The following NUP98 variants were observed in gnomAD, a reference collection of about 807,000 sequenced individuals.
The protein encoded by NUP98 is nuclear pore complex protein Nup98-Nup96.
Under a neutral mutation model 191.9 loss-of-function variants are expected in NUP98, and 26 were observed. That is an observed-to-expected ratio of 0.14 (90% CI 0.10 to 0.19). The LOEUF (loss-of-function observed/expected upper bound fraction) is 0.19. Ranked by LOEUF, NUP98 falls within the 10% of genes least tolerant of loss-of-function variation. The pLI, the probability that NUP98 is intolerant of heterozygous loss-of-function variation, is 1.00. For missense variants in NUP98, 1,941 were observed against 2,178.8 expected, an observed-to-expected ratio of 0.89 and a Z score of 2.17; for synonymous variants, 808 against 778.4, an observed-to-expected ratio of 1.04 and a Z score of -0.63.
Position 3,713,892 on chromosome 11 carries a change from A to G in NUP98, c.2503T>C (p.Leu835=), listed in dbSNP as rs778046394. 4 of 1,613,986 alleles carry G rather than the reference A, an allele frequency of 2.5e-6. No homozygotes were observed. The highest frequency in any genetic ancestry group is 2.7e-5 in the African/African-American group (2 of 74,922). The change falls in exon 19 of 33, where the codon TTG becomes CTG. Residue 835 remains leucine, a synonymous_variant. Transcript: ENST00000324932. ...CCCTGTTTCCTTGAAACTGCTTCCA[A>G]TCTTCCTTCATAGTTGATATCAGCA... ...RLADINYEGR[L]EAVSRKQGAQ...
chr11:3,703,190 T>C (rs1356913569), intron 22 of NUP98, among the ~76,000 whole-genome samples: 2 of 152,104 alleles, frequency 1.3e-5, no homozygotes, highest in South Asian at 2.1e-4. Flanking sequence ...CATTTGTATA[T>C]GTTATTTCAT....
chr11:3,738,678 C>A (rs1412678658), intron 12 of NUP98, among the ~76,000 whole-genome samples: 1 of 143,604 alleles, frequency 7.0e-6, no homozygotes, highest in Non-Finnish European at 1.5e-5. Context: ...ACGCAGGAGG[C>A]TGAGACAGGA....
At chr11:3,707,234 A>C (rs998151031) in intron 20 of NUP98, among the ~76,000 whole-genome samples, 1 of 152,300 alleles carries the variant, frequency 6.6e-6, no homozygotes, top group South Asian at 2.1e-4. Context: ...GAACAATTTT[A>C]ATCTGGGAAG....
intron 11 of NUP98, among the ~76,000 whole-genome samples, chr11:3,750,105 G>A (rs1375375664): frequency 6.6e-6 from 1 of 152,224 alleles, no homozygotes; most frequent in Non-Finnish European, 1.5e-5. Context: ...TGTATGATGT[G>A]TGTAAATTGT....
At chr11:3,771,435 TCA>T (rs2081528051) in intron 7 of NUP98, among the ~76,000 whole-genome samples, 1 of 152,092 alleles carries the variant, frequency 6.6e-6, no homozygotes, top group Non-Finnish European at 1.5e-5. Flanking sequence ...TGGCAAAAAC[TCA>T]GAGTTTTTAG....
chr11:3,700,742 G>C lies in NUP98; in HGVS notation c.3610C>G (p.Leu1204Val). The change falls in exon 24 of 33, where the codon CTC becomes GTC. Residue 1204 changes from leucine to valine, a missense_variant. By Grantham distance (32) the Leu-to-Val change is conservative. Around this residue, in one of 6 missense-constraint regions of NUP98, gnomAD observed 1,030 missense variants for 1,115.8 expected, o/e 0.92. Transcript: ENST00000324932. ...DMKLYQTPLE[L>V]KLKHSTVHVD... ...TGGACAGTGCTGTGTTTTAATTTGAGCTCCAGAGGTGTCTGATATAATTTC... is the reference window on the plus strand; with the variant it reads ...TGGACAGTGCTGTGTTTTAATTTGACCTCCAGAGGTGTCTGATATAATTTC... 6.2e-7 allele frequency: 1 copy of C among 1,614,130 alleles called. No individual in the cohort carries two copies. Among genetic ancestry groups the C allele is most frequent in the Non-Finnish European group, 8.5e-7 (1 of 1,179,978 alleles).
At chr11:3,676,411 G>A in intron 32 of NUP98, 35 bp from the exon 33 acceptor site, 2 of 1,610,782 alleles carry the variant, frequency 1.2e-6, no homozygotes, top group African/African-American at 2.7e-5. Context: ...CACTGAGCAT[G>A]GGGTCTGGAG....
At chr11:3,775,740 A>C (rs1406517681) in intron 5 of NUP98, 142 bp downstream of exon 5, 10 of 677,552 alleles carry the variant, frequency 1.5e-5, no homozygotes, top group Non-Finnish European at 2.5e-5. Context: ...CTACTATACA[A>C]CTATTTATAG....
At chr11:3,699,590 T>C (rs1465268560) in intron 24 of NUP98, among the ~76,000 whole-genome samples, 1 of 152,244 alleles carries the variant, frequency 6.6e-6, no homozygotes, top group Non-Finnish European at 1.5e-5. Context: ...ATAACAAATG[T>C]AACCGTTAAA....
chr11:3,765,784 A>G (rs182829573), intron 8 of NUP98, among the ~76,000 whole-genome samples: 1 of 148,740 alleles, frequency 6.7e-6, no homozygotes, highest in Non-Finnish European at 1.5e-5. Context: ...CTGGGCAATT[A>G]GAACAAGACT....
chr11:3,784,593 A>AC (rs1303556145), intron 1 of NUP98, among the ~76,000 whole-genome samples: 1 of 139,230 alleles, frequency 7.2e-6, no homozygotes, highest in African/African-American at 2.6e-5. Flanking sequence ...AACAAAAAAA[A>AC]AACAAAAAAA....
rs4910639 is a variant in NUP98 at position 3,704,794 on chromosome 11, C to T, written c.3082+406G>A. On this transcript the variant is annotated intron_variant, in intron 22 of 32. Transcript: ENST00000324932. Reference sequence around the variant, plus strand: ...GCTGAGGCAGGATGATCAGTTGAGGCCAGAAGTTCAAGACCAGCCTGGGGC... The same window carrying T: ...GCTGAGGCAGGATGATCAGTTGAGGTCAGAAGTTCAAGACCAGCCTGGGGC... 2.3e-3 allele frequency among the ~76,000 whole-genome samples: 352 copies of T among 152,192 alleles called. 3 individuals carry two copies. The highest frequency in any genetic ancestry group is 8.2e-3 in the African/African-American group (342 of 41,524).
chr11:3,726,667 TCTAA>T (rs1457436995), intron 14 of NUP98, among the ~76,000 whole-genome samples: 4 of 152,198 alleles, frequency 2.6e-5, no homozygotes, highest in South Asian at 2.1e-4. Flanking sequence ...TGAATAATCC[TCTAA>T]CTCTTAAATA....
intron 16 of NUP98, among the ~76,000 whole-genome samples, chr11:3,721,443 A>T (rs1380593632): frequency 2.6e-5 from 4 of 152,198 alleles, no homozygotes; most frequent in African/African-American, 9.6e-5. Context: ...CATGCCTGTA[A>T]TCCAAGGACT....
intron 11 of NUP98, among the ~76,000 whole-genome samples, chr11:3,749,283 C>A (rs1202822576): frequency 6.7e-6 from 1 of 150,258 alleles, no homozygotes; most frequent in Non-Finnish European, 1.5e-5. Flanking sequence ...AGTCCGCAGT[C>A]CGGCCTGGGC....
intron 24 of NUP98, 60 bp from the exon 25 acceptor site, chr11:3,699,408 G>C: frequency 6.4e-7 from 1 of 1,563,194 alleles, no homozygotes; most frequent in East Asian, 2.3e-5. Flanking sequence ...CTTCACAGAG[G>C]GCATCCTTCT....
intron 28 of NUP98, among the ~76,000 whole-genome samples, chr11:3,689,320 A>G (rs2078232880): frequency 6.6e-6 from 1 of 152,102 alleles, no homozygotes; most frequent in Non-Finnish European, 1.5e-5. Flanking sequence ...AGGTCAGGAG[A>G]TCGAGACCAT....
At chr11:3,711,924 C>G in intron 20 of NUP98, 1 of 1,040,486 alleles carries the variant, frequency 9.6e-7, no homozygotes, top group Non-Finnish European at 1.2e-6. Context: ...AAAGGTCTAG[C>G]TTTCAGCAGC....
At chr11:3,739,536 C>T (rs956742270) in intron 12 of NUP98, among the ~76,000 whole-genome samples, 8 of 152,208 alleles carry the variant, frequency 5.3e-5, no homozygotes, top group East Asian at 1.9e-4. Flanking sequence ...CGTGAGGCAC[C>T]GCACCAGGCC....
Sources: allele counts gnomAD v4.1 joint callset (sites outside exome capture counted in the v4.1 genomes callset), GRCh38; gene constraint gnomAD v4.1.1; regional missense constraint gnomAD v4.1.1; transcripts MANE v1.5; gene names NCBI Gene and HGNC (gene_info 2026-07-23, HGNC 2026-07-21).